The following CSMD1 variants were observed in gnomAD, a reference collection of about 807,000 sequenced individuals.
CSMD1 encodes CUB and sushi domain-containing protein 1.
Under a neutral mutation model 417.5 loss-of-function variants are expected in CSMD1, and 213 were observed. The ratio of observed to expected loss-of-function variants is 0.51; its 90% CI spans 0.46 to 0.57. CSMD1 has a LOEUF of 0.57. Ranked by LOEUF, CSMD1 falls within the 20% of genes least tolerant of loss-of-function variation. CSMD1 has a pLI of 0.00. For missense variants in CSMD1, 6,923 were observed against 4,529.7 expected (o/e 1.53, Z -15.17); for synonymous variants, 2,862 against 1,736.8 (o/e 1.65, Z -16.11).
intron 1 of CSMD1, among the ~76,000 whole-genome samples, chr8:4,837,822 C>T (rs938554733): frequency 1.3e-5 from 2 of 152,168 alleles, no homozygotes; most frequent in Admixed American, 1.3e-4. Context: ...CCATGATGCA[C>T]TTATTTGATA....
intron 5 of CSMD1, among the ~76,000 whole-genome samples, chr8:3,982,699 A>G (rs576997636): frequency 6.6e-6 from 1 of 152,108 alleles, no homozygotes; most frequent in Admixed American, 6.5e-5. Flanking sequence ...GCCTCATAAG[A>G]TCAGGAGGCA....
chr8:3,009,189 C>A (rs1298645772), intron 52 of CSMD1, among the ~76,000 whole-genome samples: 4 of 152,202 alleles, frequency 2.6e-5, no homozygotes, highest in Admixed American at 2.0e-4. Context: ...ACTTTTGCCC[C>A]TAGAGGGGCC....
chr8:2,990,842 A>C (rs1806321867), intron 54 of CSMD1, among the ~76,000 whole-genome samples: 1 of 152,216 alleles, frequency 6.6e-6, no homozygotes, highest in Non-Finnish European at 1.5e-5. Flanking sequence ...TATTGAGCAA[A>C]TGAGATAGTT....
At chr8:3,977,713 C>G (rs936782214) in intron 5 of CSMD1, among the ~76,000 whole-genome samples, 20 of 152,124 alleles carry the variant, frequency 1.3e-4, no homozygotes, top group African/African-American at 4.1e-4. Context: ...GTCATAGATG[C>G]CTGGAAATGA....
chr8:4,652,382 T>TG (rs968957555), intron 1 of CSMD1, among the ~76,000 whole-genome samples: 19 of 89,862 alleles, frequency 2.1e-4, no homozygotes, highest in African/African-American at 7.2e-4. Context: ...ACTTCCATTC[T>TG]GTTTTTTTGT....
intron 3 of CSMD1, among the ~76,000 whole-genome samples, chr8:4,153,125 G>A (rs1262926452): frequency 1.3e-5 from 2 of 152,196 alleles, no homozygotes; most frequent in Admixed American, 6.5e-5. Flanking sequence ...AAATGGCAAT[G>A]TTGTATTGAA....
intron 10 of CSMD1, among the ~76,000 whole-genome samples, chr8:3,525,310 G>A (rs1451222650): frequency 1.3e-5 from 2 of 152,142 alleles, no homozygotes; most frequent in African/African-American, 4.8e-5. Context: ...AAAGGAATTA[G>A]CATTTCCAGT....
chr8:3,372,018 A>T (rs1178603923), intron 18 of CSMD1, among the ~76,000 whole-genome samples: 1 of 152,244 alleles, frequency 6.6e-6, no homozygotes, highest in Non-Finnish European at 1.5e-5. Context: ...CTAAAGTATG[A>T]ATTCCAGTTG....
chr8:3,554,498 G>A (rs937505440), intron 10 of CSMD1, among the ~76,000 whole-genome samples: 4 of 152,126 alleles, frequency 2.6e-5, no homozygotes, highest in African/African-American at 4.8e-5. Context: ...TGGAAGGGAA[G>A]CAAGGCCACA....
intron 49 of CSMD1, among the ~76,000 whole-genome samples, chr8:3,057,175 C>A (rs1424725025): frequency 6.6e-6 from 1 of 152,080 alleles, no homozygotes; most frequent in African/African-American, 2.4e-5. Context: ...AACACACACA[C>A]ACGTGGTAAA....
At position 3,575,015 on chromosome 8, in the gene CSMD1, G is replaced by A. The variant is rs772620843; in HGVS notation, c.1274C>T (p.Pro425Leu). Reference protein sequence around the residue: ...LRGPSGVITSPNYPVQYEDNA... With the variant: ...LRGPSGVITSLNYPVQYEDNA... ...ATCTTCATACTGAACCGGATAATTA[G>A]GGGAGGTAATGACGCCGCTGGGCCC... Residue 425 changes from proline (P) to leucine (L), a missense_variant, in exon 10 of 70, where the codon CCT becomes CTT. Pro to Leu is a moderately conservative substitution (Grantham distance 98). Transcript: ENST00000635120. 3.7e-6 allele frequency: 6 copies of A among 1,613,504 alleles called. No individual in the cohort carries two copies. Among genetic ancestry groups the A allele is most frequent in the Non-Finnish European group, 5.1e-6 (6 of 1,179,762 alleles).
chr8:3,662,186 A>G (rs1007094159), intron 7 of CSMD1, among the ~76,000 whole-genome samples: 2 of 152,252 alleles, frequency 1.3e-5, no homozygotes, highest in East Asian at 3.8e-4. Context: ...GTGTAAACAT[A>G]CAAAACTACC....
At chr8:4,736,561 G>C (rs561940235) in intron 1 of CSMD1, among the ~76,000 whole-genome samples, 30 of 152,272 alleles carry the variant, frequency 2.0e-4, no homozygotes, top group African/African-American at 7.2e-4. Context: ...CCCAGGGAAG[G>C]TGAACACTCA....
intron 2 of CSMD1, among the ~76,000 whole-genome samples, chr8:4,456,342 G>A (rs925747356): frequency 5.9e-5 from 9 of 152,126 alleles, no homozygotes; most frequent in Admixed American, 3.3e-4. Flanking sequence ...CATAGAGCAG[G>A]AACATGTTGG....
At chr8:4,446,498 G>C (rs1038880343) in intron 2 of CSMD1, among the ~76,000 whole-genome samples, 2 of 152,168 alleles carry the variant, frequency 1.3e-5, no homozygotes, top group Non-Finnish European at 2.9e-5. Context: ...AGGGATCTGT[G>C]ATCAGGCCAC....
intron 3 of CSMD1, among the ~76,000 whole-genome samples, chr8:4,229,857 T>G (rs891741513): frequency 1.3e-5 from 2 of 152,224 alleles, no homozygotes; most frequent in Non-Finnish European, 2.9e-5. Context: ...CGCTTTGGTC[T>G]GTGTTCTGCC....
Position 3,983,135 on chromosome 8 carries a change from C to CTTTTTTT in CSMD1, c.818+14761_818+14767dup, listed in dbSNP as rs201667296. Among the ~76,000 whole-genome samples the CTTTTTTT allele has an allele frequency of 3.5e-3, 472 of 133,484 alleles. 12 individuals are homozygous for CTTTTTTT. Among genetic ancestry groups the CTTTTTTT allele is most frequent in the African/African-American group, 0.013 (444 of 34,496 alleles). The allele number at this position is 133,484 out of a possible 152,430, so 87.6% of individuals were successfully genotyped here. ...TATGCATCCTCCCACATCTTTCTTT[C>CTTTTTTT]TTTTTTTTTTTTTGAGACGGACTCT... On this transcript the variant is annotated intron_variant, in intron 5 of 69. Transcript: ENST00000635120.
chr8:3,602,426 G>A (rs1472718957), intron 8 of CSMD1, among the ~76,000 whole-genome samples: 1 of 152,144 alleles, frequency 6.6e-6, no homozygotes, highest in Non-Finnish European at 1.5e-5. Context: ...AGAAAAATTA[G>A]GGAGCAGGGG....
chr8:4,543,895 G>T (rs893837090), intron 2 of CSMD1, among the ~76,000 whole-genome samples: 2 of 152,140 alleles, frequency 1.3e-5, no homozygotes, highest in Admixed American at 1.3e-4. Context: ...GATGTGGAGC[G>T]CCTTTTCATA....
Sources: allele counts gnomAD v4.1 joint callset (sites outside exome capture counted in the v4.1 genomes callset), GRCh38; gene constraint gnomAD v4.1.1; transcripts MANE v1.5; gene names NCBI Gene and HGNC (gene_info 2026-07-23, HGNC 2026-07-21).